EXOC4: variants seen among roughly 807,000 people sequenced by gnomAD.
The protein encoded by EXOC4 is SEC8-like 1.
In EXOC4, 71 loss-of-function variants were observed where a neutral mutation model predicts 107.2. That is an observed-to-expected ratio of 0.66 (90% CI 0.55 to 0.81). The LOEUF (loss-of-function observed/expected upper bound fraction) is 0.81, where lower values mean the gene tolerates loss of function less well. Ranked by LOEUF, EXOC4 falls within the 30% of genes least tolerant of loss-of-function variation. The probability of loss-of-function intolerance (pLI) is 0.00; values close to 1 mark genes in which losing one functional copy is unlikely to be tolerated. For missense variants in EXOC4, 1,108 were observed against 1,189.6 expected (o/e 0.93, Z 1.01); for synonymous variants, 456 against 441.2 (o/e 1.03, Z -0.42).
At chr7:133,562,357 A>G (rs189805684) in intron 9 of EXOC4, among the ~76,000 whole-genome samples, 1 of 152,110 alleles carries the variant, frequency 6.6e-6, no homozygotes, top group Admixed American at 6.5e-5. Context: ...TAGGGTTCTC[A>G]TGGTGTTGCT....
intron 9 of EXOC4, among the ~76,000 whole-genome samples, chr7:133,489,937 G>A (rs948241280): frequency 3.3e-5 from 5 of 152,176 alleles, no homozygotes; most frequent in South Asian, 2.1e-4. Context: ...CAACATGGAC[G>A]TGTAATTTAA....
chr7:133,622,340 C>T (rs1302132493), intron 9 of EXOC4, among the ~76,000 whole-genome samples: 2 of 152,126 alleles, frequency 1.3e-5, no homozygotes, highest in East Asian at 1.9e-4. Context: ...TCTGGGATGA[C>T]AGGCAAACTC....
chr7:133,367,370 T>A (rs1308307161), intron 6 of EXOC4, among the ~76,000 whole-genome samples: 1 of 152,018 alleles, frequency 6.6e-6, no homozygotes, highest in African/African-American at 2.4e-5. Flanking sequence ...GAAGACAGTG[T>A]TTCAAGGAGG....
intron 17 of EXOC4, among the ~76,000 whole-genome samples, chr7:134,028,786 C>G (rs1258821391): frequency 2.0e-5 from 3 of 152,246 alleles, no homozygotes; most frequent in Admixed American, 1.3e-4. Context: ...GAGAGAATCT[C>G]TATACCTCTG....
In EXOC4 at chr7:133,980,350, T is replaced by C. The variant is rs144030786; in HGVS notation, c.2207-17142T>C. On this transcript the variant is annotated intron_variant, in intron 14 of 17. Transcript: ENST00000253861. ...TCCTCACCAGGGGGTTCAATAAAGATCACTTCAATGTGCTGAGCACTTACT... is the reference window on the plus strand; with the variant it reads ...TCCTCACCAGGGGGTTCAATAAAGACCACTTCAATGTGCTGAGCACTTACT... Among the ~76,000 whole-genome samples, 627 of 152,352 alleles carry C rather than the reference T, an allele frequency of 4.1e-3. 2 individuals carry two copies. The highest frequency in any genetic ancestry group is 6.8e-3 in the Middle Eastern group (2 of 294).
Position 133,895,809 on chromosome 7 carries a change from A to C in EXOC4, c.1871+74A>C, listed in dbSNP as rs74523445. Reference sequence around the variant, plus strand: ...TGGTTCCAATTGGTGAAATTGCTTCAATAGCCTAATTTCCAAAAGGATCAT... The same window carrying C: ...TGGTTCCAATTGGTGAAATTGCTTCCATAGCCTAATTTCCAAAAGGATCAT... On this transcript the variant is annotated intron_variant, in intron 12 of 17. Transcript: ENST00000253861. 6.6e-3 allele frequency: 9,852 copies of C among 1,496,052 alleles called. 570 individuals carry two copies. The African/African-American group carries it at 0.12, about 18-fold the overall frequency. The allele number at this position is 1,496,052 out of a possible 1,614,324, so 92.7% of individuals were successfully genotyped here.
At chr7:133,592,320 C>T (rs186741038) in intron 9 of EXOC4, among the ~76,000 whole-genome samples, 10 of 152,218 alleles carry the variant, frequency 6.6e-5, no homozygotes, top group African/African-American at 2.2e-4. Context: ...CCTGCCTTGG[C>T]CTCCCACAAT....
intron 10 of EXOC4, among the ~76,000 whole-genome samples, chr7:133,690,381 A>G (rs1036938207): frequency 1.3e-4 from 20 of 152,188 alleles, no homozygotes; most frequent in Non-Finnish European, 2.9e-4. Context: ...GTTTGCAGTC[A>G]TGGCAGCAGC....
chr7:133,621,438 GGAGA>G (rs1198515322), intron 9 of EXOC4, among the ~76,000 whole-genome samples: 1 of 152,148 alleles, frequency 6.6e-6, no homozygotes, highest in Non-Finnish European at 1.5e-5. Context: ...CAAAAATCTA[GGAGA>G]GAGTCTTACT....
intron 10 of EXOC4, among the ~76,000 whole-genome samples, chr7:133,749,062 G>A (rs1336901723): frequency 6.6e-6 from 1 of 152,184 alleles, no homozygotes; most frequent in East Asian, 1.9e-4. Flanking sequence ...TCAGGAGCCT[G>A]GACAGTTGCT....
intron 17 of EXOC4, among the ~76,000 whole-genome samples, chr7:134,062,824 T>G (rs1434701622): frequency 6.6e-6 from 1 of 152,244 alleles, no homozygotes; most frequent in African/African-American, 2.4e-5. Context: ...CTCCCCTTCC[T>G]GACTCCCACC....
rs148968810 is a variant in EXOC4 at position 133,603,397 on chromosome 7, C to A, written c.1418-26648C>A. Among the ~76,000 whole-genome samples the A allele has an allele frequency of 3.6e-3, 554 of 152,288 alleles. 3 individuals carry two copies. The highest frequency in any genetic ancestry group is 5.2e-3 in the Non-Finnish European group (353 of 68,024). On this transcript the variant is annotated intron_variant, in intron 9 of 17. Coordinates refer to ENST00000253861, the MANE Select transcript of EXOC4 (RefSeq NM_021807.4). ...ATTTCTCACTCAAAGATGGGGGTAT[C>A]TTTTGAGAAATGCATCATTAGGTGA... is the stretch of plus-strand genomic sequence containing the variant.
chr7:133,793,283 C>G (rs1017213522), intron 10 of EXOC4, among the ~76,000 whole-genome samples: 1 of 151,918 alleles, frequency 6.6e-6, no homozygotes, highest in Admixed American at 6.6e-5. Flanking sequence ...TATATTAATA[C>G]GAGATTAGGG....
chr7:133,673,330 G>T (rs1295774115), intron 10 of EXOC4, among the ~76,000 whole-genome samples: 1 of 152,174 alleles, frequency 6.6e-6, no homozygotes, highest in Non-Finnish European at 1.5e-5. Flanking sequence ...TTAAAAAGTA[G>T]ATTTTACCCC....
chr7:133,258,964 CTG>C (rs1795079494), intron 1 of EXOC4, among the ~76,000 whole-genome samples: 1 of 152,004 alleles, frequency 6.6e-6, no homozygotes. Flanking sequence ...GCCCAATACT[CTG>C]TTGAGATAAT....
chr7:133,882,808 G>A (rs1798993562), intron 11 of EXOC4, among the ~76,000 whole-genome samples: 3 of 152,124 alleles, frequency 2.0e-5, no homozygotes, highest in Admixed American at 1.3e-4. Flanking sequence ...GGGCTGGAAG[G>A]GTAGACAGAA....
chr7:134,090,106 A>G, the EXOC4 span, among the ~76,000 whole-genome samples: 1 of 152,216 alleles, frequency 6.6e-6, no homozygotes. Context: ...CTGACAACGT[A>G]TTTGATTTAA....
chr7:133,351,500 GTTTAA>G (rs1795908790), intron 5 of EXOC4, among the ~76,000 whole-genome samples: 1 of 151,766 alleles, frequency 6.6e-6, no homozygotes, highest in Admixed American at 6.6e-5. Context: ...ACAGTACTCT[GTTTAA>G]TTTATTTCTC....
At chr7:133,971,382 AGAGAGAGAGAGAGAGAGAG>A (rs1801229313) in intron 14 of EXOC4, among the ~76,000 whole-genome samples, 1 of 142,730 alleles carries the variant, frequency 7.0e-6, no homozygotes, top group Non-Finnish European at 1.5e-5. Context: ...AGAGAGAGAG[AGAGAGAGAGAGAGAGAGAG>A]AAAGAGAGAG....
Sources: allele counts gnomAD v4.1 joint callset (sites outside exome capture counted in the v4.1 genomes callset), GRCh38; gene constraint gnomAD v4.1.1; transcripts MANE v1.5; gene names NCBI Gene and HGNC (gene_info 2026-07-23, HGNC 2026-07-21).